Variants in NALF1 observed in about 807,000 individuals in gnomAD.
NALF1 encodes NALCN channel auxiliary factor 1.
A neutral mutation model predicts 48.4 loss-of-function variants in NALF1; 3 were observed. The ratio of observed to expected loss-of-function variants is 0.06; its 90% confidence interval spans 0.03 to 0.16. The LOEUF is 0.16. Among genes scored for constraint, NALF1 ranks in the 10% least tolerant of loss-of-function variants. The pLI is 1.00. For missense variants in NALF1, 526 were observed against 571.5 expected (o/e 0.92, Z 0.81); for synonymous variants, 262 against 245.7 (o/e 1.07, Z -0.62).
At chr13:107,665,011 T>C (rs1880821875) in intron 1 of NALF1, among the ~76,000 whole-genome samples, 1 of 152,048 alleles carries the variant, frequency 6.6e-6, no homozygotes, top group African/African-American at 2.4e-5. Context: ...ACAGACAATA[T>C]GGTACTTAAA....
chr13:107,673,919 G>A (rs1350138293), intron 1 of NALF1, among the ~76,000 whole-genome samples: 1 of 152,108 alleles, frequency 6.6e-6, no homozygotes, highest in African/African-American at 2.4e-5. Context: ...AGAAGCAGAA[G>A]GCACAGATGA....
intron 1 of NALF1, among the ~76,000 whole-genome samples, chr13:107,643,485 A>G (rs948650985): frequency 6.6e-6 from 1 of 151,388 alleles, no homozygotes; most frequent in Non-Finnish European, 1.5e-5. Flanking sequence ...AGAGATAAGA[A>G]AAACTCAGGA....
At chr13:107,757,995 C>G (rs966290590) in intron 1 of NALF1, among the ~76,000 whole-genome samples, 2 of 152,126 alleles carry the variant, frequency 1.3e-5, no homozygotes, top group African/African-American at 2.4e-5. Flanking sequence ...ATGGGAGAGA[C>G]AGATTATCTC....
rs190266364 is a variant in NALF1 at position 107,470,178 on chromosome 13, T to C, written c.916-259423A>G. ...AATAATAAAATCTTGTCTGGAAAGGTCTAATGGTCCCTAACTTTACTTATT... is the reference window on the plus strand; with the variant it reads ...AATAATAAAATCTTGTCTGGAAAGGCCTAATGGTCCCTAACTTTACTTATT... On this transcript the variant is annotated intron_variant, in intron 1 of 2. Transcript: ENST00000375915. Among the ~76,000 whole-genome samples, 78 of 152,272 alleles carry C rather than the reference T, an allele frequency of 5.1e-4. No individual in the cohort carries two copies. In the East Asian group the frequency reaches 0.013, roughly 25 times the overall value.
At position 107,644,252 on chromosome 13, in the gene NALF1, T is replaced by C. The variant is rs538183111; in HGVS notation, c.915+221430A>G. Among the ~76,000 whole-genome samples the C allele has an allele frequency of 5.7e-4, 87 of 152,176 alleles. 2 individuals are homozygous for C. Among genetic ancestry groups the C allele is most frequent in the South Asian group, 8.3e-4 (4 of 4,818 alleles). On this transcript the variant is annotated intron_variant, in intron 1 of 2. Coordinates refer to ENST00000375915, the MANE Select transcript of NALF1 (RefSeq NM_001080396.3). ...AATTTTTAATGATAGGTTTACACAG[T>C]TGTGTGATAGCTTCTGTTGACATAA...
chr13:107,294,768 C>T (rs1416074708), intron 1 of NALF1, among the ~76,000 whole-genome samples: 2 of 152,196 alleles, frequency 1.3e-5, no homozygotes, highest in Non-Finnish European at 2.9e-5. Context: ...GCCCAAGCTT[C>T]TCATTGTTTC....
At chr13:107,511,930 C>T (rs1347777150) in intron 1 of NALF1, among the ~76,000 whole-genome samples, 6 of 152,220 alleles carry the variant, frequency 3.9e-5, no homozygotes, top group Non-Finnish European at 8.8e-5. Context: ...AAGCACATCA[C>T]CTTCACTTCC....
chr13:107,809,191 C>A (rs1444812316), intron 1 of NALF1, among the ~76,000 whole-genome samples: 12 of 151,732 alleles, frequency 7.9e-5, no homozygotes. Context: ...AGAAACAGAA[C>A]CCCAATCCTA....
At chr13:107,844,362 A>C (rs889482712) in intron 1 of NALF1, among the ~76,000 whole-genome samples, 1 of 152,134 alleles carries the variant, frequency 6.6e-6, no homozygotes, top group Admixed American at 6.6e-5. Flanking sequence ...GTTCTTTTAT[A>C]TTTTTGCAAG....
At chr13:107,807,419 G>T (rs1465183869) in intron 1 of NALF1, among the ~76,000 whole-genome samples, 1 of 152,104 alleles carries the variant, frequency 6.6e-6, no homozygotes. Flanking sequence ...TGTCTAAAAT[G>T]ACACACCAAT....
intron 1 of NALF1, among the ~76,000 whole-genome samples, chr13:107,275,851 G>A (rs756161349): frequency 5.3e-5 from 8 of 152,146 alleles, no homozygotes; most frequent in Non-Finnish European, 1.2e-4. Flanking sequence ...AATGCTGGCT[G>A]AGCCTGCAGT....
intron 1 of NALF1, among the ~76,000 whole-genome samples, chr13:107,792,516 T>C (rs1236626007): frequency 6.6e-6 from 1 of 152,162 alleles, no homozygotes; most frequent in Non-Finnish European, 1.5e-5. Flanking sequence ...TGCTTTCCTA[T>C]GGCTCAACCC....
At chr13:107,209,008 G>T (rs1263376389) in intron 2 of NALF1, among the ~76,000 whole-genome samples, 1 of 152,134 alleles carries the variant, frequency 6.6e-6, no homozygotes, top group East Asian at 1.9e-4. Context: ...AACGGCTATG[G>T]CTGGTCAATG....
In NALF1 at chr13:107,168,717, CA is replaced by C. The variant is rs1026496398; in HGVS notation, c.*1779del. Reference sequence around the variant, plus strand: ...ATATTCTTAACAGACTGGAACGAAACATTTTTTTTCAAAACAAAATATGCAT... The same window carrying C: ...ATATTCTTAACAGACTGGAACGAAACTTTTTTTTCAAAACAAAATATGCAT... On this transcript the variant is annotated 3_prime_UTR_variant, in exon 3 of 3. Coordinates refer to ENST00000375915, the MANE Select transcript of NALF1 (RefSeq NM_001080396.3). The C allele has an allele frequency of 4.5e-4, 68 of 152,572 alleles. No individual in the cohort carries two copies. The highest frequency in any genetic ancestry group is 1.5e-3 in the African/African-American group (64 of 41,490). 9.5% of individuals were successfully genotyped at this position (152,572 alleles called of 1,614,324 possible). A position where few individuals can be genotyped will look rare whatever the true frequency, so the allele number is the denominator to read the frequency against.
chr13:107,726,632 T>C (rs1876158888), intron 1 of NALF1, among the ~76,000 whole-genome samples: 2 of 141,178 alleles, frequency 1.4e-5, no homozygotes, highest in Admixed American at 1.5e-4. Context: ...TTTTTCCAGA[T>C]GGAGTCTCAC....
rs1880765854 is a variant in NALF1 at position 107,867,227 on chromosome 13, C to T, written c.-631G>A. Among the ~76,000 whole-genome samples the T allele has an allele frequency of 6.6e-6, 1 of 151,292 alleles. No homozygotes were observed. Among genetic ancestry groups the T allele is most frequent in the Non-Finnish European group, 1.5e-5 (1 of 67,698 alleles). On this transcript the variant is annotated 5_prime_UTR_variant, in exon 1 of 3. Coordinates refer to ENST00000375915, the MANE Select transcript of NALF1 (RefSeq NM_001080396.3). The surrounding 1 kb of genome is among the most constrained non-coding windows in gnomAD (Gnocchi z 4.4). ...CTCCCGCTCCTGCTCCGCGCTGGCT[C>T]TCCCAGAGTCCGGAGCCTGGGCTGC...
intron 2 of NALF1, among the ~76,000 whole-genome samples, chr13:107,203,923 T>G (rs1173306304): frequency 1.3e-5 from 2 of 152,154 alleles, no homozygotes; most frequent in Non-Finnish European, 2.9e-5. Context: ...GTTGTCAGCA[T>G]GCCTGGAGGC....
chr13:107,781,514 T>C (rs1877887626), intron 1 of NALF1, among the ~76,000 whole-genome samples: 2 of 152,114 alleles, frequency 1.3e-5, no homozygotes, highest in African/African-American at 4.8e-5. Context: ...GCTATTTAAA[T>C]TTATCCACAT....
intron 1 of NALF1, among the ~76,000 whole-genome samples, chr13:107,271,788 A>AT (rs1881172885): frequency 7.8e-5 from 6 of 76,996 alleles, no homozygotes; most frequent in Non-Finnish European, 1.7e-4. Context: ...ATATATATAT[A>AT]TATATATATA....
Sources: allele counts gnomAD v4.1 joint callset (sites outside exome capture counted in the v4.1 genomes callset), GRCh38; gene constraint gnomAD v4.1.1; non-coding constraint Gnocchi (gnomAD v3.1); transcripts MANE v1.5; gene names NCBI Gene and HGNC (gene_info 2026-07-23, HGNC 2026-07-21).